The following DDX47 variants were observed in gnomAD, a reference collection of about 807,000 sequenced individuals.
DDX47 encodes DEAD-box helicase 47.
DDX47 carries 60 observed loss-of-function variants against 58.8 expected under a neutral mutation model. That is an observed-to-expected ratio of 1.02 (90% CI 0.83 to 1.26). DDX47 has a LOEUF of 1.26. Ranked by LOEUF, DDX47 falls within the 50% of genes most tolerant of loss-of-function variation. DDX47 has a pLI of 0.00. For missense variants in DDX47, 530 were observed against 573.2 expected (o/e 0.92, Z 0.77); for synonymous variants, 197 against 204.6 (o/e 0.96, Z 0.32).
intron 9 of DDX47, 134 bp downstream of exon 9, chr12:12,824,811 TTAG>T: frequency 2.2e-6 from 2 of 923,496 alleles, no homozygotes; most frequent in Non-Finnish European, 3.3e-6. Flanking sequence ...AAGCCCTTGG[TTAG>T]TTCATTCACA....
At position 12,829,857 on chromosome 12, in the gene DDX47, G is replaced by T; in HGVS notation, c.*303G>T. The T allele has an allele frequency of 4.7e-6, 1 of 213,486 alleles. No individual in the cohort carries two copies. The highest frequency in any genetic ancestry group is 9.2e-6 in the Non-Finnish European group (1 of 108,226). The allele number at this position is 213,486 out of a possible 1,614,324, so 13.2% of individuals were successfully genotyped here. ...TTAGCTGCAAGTCAAGGACTAGGTT[G>T]ATGATGCCCATGACCTGTAATTGTA... On this transcript the variant is annotated 3_prime_UTR_variant, in exon 12 of 12. Coordinates refer to ENST00000358007, the MANE Select transcript of DDX47 (RefSeq NM_016355.4).
At position 12,821,710 on chromosome 12, in the gene DDX47, A is replaced by T; in HGVS notation, c.426A>T (p.Lys142Asn). 6.2e-7 allele frequency: 1 copy of T among 1,612,686 alleles called. No homozygotes were observed. The highest frequency in any genetic ancestry group is 8.5e-7 in the Non-Finnish European group (1 of 1,178,704). ...CTCAATCTTTGGCCCTTGCAAAAAA[A>T]CCACATATAATAATAGGTGAGTAAC... ...SMSQSLALAK[K>N]PHIIIATPGR... Residue 142 changes from lysine (K) to asparagine (N), a missense_variant, in exon 4 of 12, where the codon AAA becomes AAT. By Grantham distance (94) the Lys-to-Asn change is moderately conservative. Coordinates refer to ENST00000358007, the MANE Select transcript of DDX47 (RefSeq NM_016355.4).
chr12:12,829,162 C>A (rs1386965851), intron 11 of DDX47, among the ~76,000 whole-genome samples: 2 of 152,206 alleles, frequency 1.3e-5, no homozygotes, highest in Non-Finnish European at 2.9e-5. Context: ...TTTTTCTACA[C>A]CTTGGCCAAT....
At chr12:12,823,645 T>C in intron 7 of DDX47, 2 of 572,404 alleles carry the variant, frequency 3.5e-6, no homozygotes, top group South Asian at 4.6e-5. Flanking sequence ...ATATAAGGAC[T>C]TCTCCTGTTT....
At chr12:12,821,783 C>T (rs752917505) in intron 4 of DDX47, 57 bp downstream of exon 4, 23 of 1,415,832 alleles carry the variant, frequency 1.6e-5, no homozygotes, top group Non-Finnish European at 2.3e-5. Flanking sequence ...GAAAATCTAC[C>T]AGTGTTGGAT....
chr12:12,816,583 A>G (rs1862900893), intron 2 of DDX47, among the ~76,000 whole-genome samples: 1 of 152,216 alleles, frequency 6.6e-6, no homozygotes. Flanking sequence ...ACTGTATCCA[A>G]AGAGCGGTTA....
intron 2 of DDX47, 145 bp from the exon 3 acceptor site, chr12:12,821,063 C>T: frequency 1.3e-6 from 1 of 793,192 alleles, no homozygotes; most frequent in Admixed American, 2.8e-5. Context: ...GAGGCCATGT[C>T]TTTTCTGTTT....
intron 2 of DDX47, among the ~76,000 whole-genome samples, chr12:12,819,673 A>G (rs1862942370): frequency 6.6e-6 from 1 of 152,224 alleles, no homozygotes. Flanking sequence ...AGTTTACTAT[A>G]GGAATCTTAA....
intron 10 of DDX47, among the ~76,000 whole-genome samples, chr12:12,826,473 C>T (rs1863052772): frequency 1.3e-5 from 2 of 150,070 alleles, no homozygotes; most frequent in African/African-American, 2.5e-5. Flanking sequence ...GTATTTGTCT[C>T]GCTCTGTCGC....
Position 12,825,944 on chromosome 12 carries a change from T to C in DDX47, c.1036-56T>C, listed in dbSNP as rs1003109773. The C allele has an allele frequency of 2.6e-5, 37 of 1,406,584 alleles. No individual in the cohort carries two copies. In the African/African-American group the frequency reaches 4.7e-4, roughly 18 times the overall value. 87.1% of individuals were successfully genotyped at this position (1,406,584 alleles called of 1,614,324 possible). On this transcript the variant is annotated intron_variant, in intron 9 of 11. Transcript: ENST00000358007. The stretch of plus-strand genomic sequence containing the variant: ...TTGCAGCAGGACTTTGCATATGTAG[T>C]TTTTTTTAAACTTATAATCCATATA...
intron 10 of DDX47, 29 bp downstream of exon 10, chr12:12,826,099 A>G (rs1311820197): frequency 1.9e-6 from 3 of 1,595,408 alleles, no homozygotes; most frequent in South Asian, 1.1e-5. Context: ...GGGCCGAGCA[A>G]TGTAGAGAAA....
Position 12,829,568 on chromosome 12 carries a change from G to C in DDX47, c.*14G>C. 1.2e-6 allele frequency: 2 copies of C among 1,612,160 alleles called. No homozygotes were observed. The highest frequency in any genetic ancestry group is 2.2e-5 in the South Asian group (2 of 90,664). ...AAAGGCCGTTAATCACTTTTATGAA[G>C]GCTCGAGTTCTGCTGTTCTGTAAAA... On this transcript the variant is annotated 3_prime_UTR_variant, in exon 12 of 12. Transcript: ENST00000358007.
intron 1 of DDX47, 172 bp downstream of exon 1, chr12:12,813,626 T>C (rs1862848806): frequency 4.6e-6 from 3 of 654,990 alleles, no homozygotes; most frequent in Non-Finnish European, 7.8e-6. Flanking sequence ...GTTTGGGTGG[T>C]GGGAGGGCTG....
At position 12,827,343 on chromosome 12, in the gene DDX47, C is replaced by T. The variant is rs536938122; in HGVS notation, c.1204C>T (p.Arg402Cys). Residue 402 changes from arginine (R) to cysteine (C), a missense_variant, in exon 11 of 12, where the codon CGC becomes TGC. By Grantham distance (180) the Arg-to-Cys change is radical. Coordinates refer to ENST00000358007, the MANE Select transcript of DDX47 (RefSeq NM_016355.4). Reference sequence around the variant, plus strand: ...TGATGAGGTTATGATGCTGACAGAACGCGTCGCTGAAGCCCAAAGGTTTGC... The same window carrying T: ...TGATGAGGTTATGATGCTGACAGAATGCGTCGCTGAAGCCCAAAGGTTTGC... Reference protein sequence around the residue: ...QDDEVMMLTERVAEAQRFARM... With the variant: ...QDDEVMMLTECVAEAQRFARM... 1.1e-4 allele frequency: 174 copies of T among 1,614,060 alleles called. No homozygotes were observed. Among genetic ancestry groups the T allele is most frequent in the Middle Eastern group, 1.6e-4 (1 of 6,062 alleles).
At chr12:12,822,561 A>G (rs994051296) in intron 5 of DDX47, 100 bp from the exon 6 acceptor site, 15 of 911,390 alleles carry the variant, frequency 1.6e-5, no homozygotes, top group Non-Finnish European at 2.6e-5. Flanking sequence ...TCACAGTGAT[A>G]TATTTAGTTT....
chr12:12,823,531 G>T, intron 7 of DDX47: 1 of 571,944 alleles, frequency 1.7e-6, no homozygotes, highest in Non-Finnish European at 3.1e-6. Flanking sequence ...AGGTCATGAT[G>T]TAATCATATA....
chr12:12,822,042 G>A lies in DDX47; in HGVS notation c.520G>A (p.Asp174Asn), dbSNP rs757275803. The A allele has an allele frequency of 1.2e-6, 2 of 1,613,966 alleles. No individual in the cohort carries two copies. Among genetic ancestry groups the A allele is most frequent in the Non-Finnish European group, 1.7e-6 (2 of 1,179,906 alleles). ...NLRALKYLVM[D>N]EADRILNMDF... ...GAGAGCTCTCAAATACTTGGTCATG[G>A]ATGAAGCCGACCGAATACTGAATAT... is the stretch of plus-strand genomic sequence containing the variant. The change falls in exon 5 of 12, where the codon GAT becomes AAT. Residue 174 changes from aspartate (D) to asparagine (N), a missense_variant. Physicochemically the swap from Asp to Asn is conservative, Grantham distance 23. Transcript: ENST00000358007.
At chr12:12,816,861 C>T (rs1164576249) in intron 2 of DDX47, among the ~76,000 whole-genome samples, 6 of 152,182 alleles carry the variant, frequency 3.9e-5, no homozygotes, top group African/African-American at 1.4e-4. Context: ...ACTTTTCCAG[C>T]TTGCCCTACA....
intron 5 of DDX47, 51 bp from the exon 6 acceptor site, chr12:12,822,610 G>T (rs762684504): frequency 6.7e-7 from 1 of 1,485,374 alleles, no homozygotes. Flanking sequence ...AGGATTTGCA[G>T]CTCTTCCAGT....
Sources: gnomAD v4.1 joint callset for allele counts (sites outside exome capture counted in the v4.1 genomes callset) on GRCh38, gnomAD v4.1.1 for gene constraint, MANE v1.5 for transcripts, NCBI Gene and HGNC (gene_info 2026-07-23, HGNC 2026-07-21) for gene names.